The following XRCC6 variants were observed in gnomAD, a reference collection of about 807,000 sequenced individuals.
XRCC6 encodes X-ray repair cross complementing 6, also known as DNA repair protein Ku70.
A neutral mutation model predicts 65.7 loss-of-function variants in XRCC6; 5 were observed. That is an observed-to-expected ratio of 0.08 (90% CI 0.04 to 0.16). The LOEUF (loss-of-function observed/expected upper bound fraction) is 0.16. Ranked by LOEUF, XRCC6 falls within the 10% of genes least tolerant of loss-of-function variation. The pLI, the probability that XRCC6 is intolerant of heterozygous loss-of-function variation, is 1.00. For missense variants in XRCC6, 447 were observed against 738.1 expected (o/e 0.61, Z 4.57); for synonymous variants, 270 against 270.6 (o/e 1.00, Z 0.02).
chr22:41,628,109 T>C lies in XRCC6; in HGVS notation c.83-9T>C, dbSNP rs2067698509. ...GGACAAACATTTTCTTCCATTTTTT[T>C]CCCCATAGGAGACTATAAATATTCA... On this transcript the variant is annotated splice_polypyrimidine_tract_variant and intron_variant, in intron 2 of 12. Coordinates refer to ENST00000360079, the MANE Select transcript of XRCC6 (RefSeq NM_001469.5). 1.9e-6 allele frequency: 3 copies of C among 1,575,000 alleles called. No individual in the cohort carries two copies. Among genetic ancestry groups the C allele is most frequent in the Middle Eastern group, 1.8e-4 (1 of 5,588 alleles).
rs573501598 is a variant in XRCC6 at position 41,636,898 on chromosome 22, C to T, written c.589+128C>T. The T allele has an allele frequency of 7.2e-6, 9 of 1,254,224 alleles. No homozygotes were observed. In the East Asian group the frequency reaches 1.5e-4, roughly 21 times the overall value. 77.7% of individuals were successfully genotyped at this position (1,254,224 alleles called of 1,614,324 possible). On this transcript the variant is annotated intron_variant, in intron 5 of 12. Transcript: ENST00000360079. ...AAGTAGCTGGGACTATAAGCATGTG[C>T]TGTTGTGCCCAGTGCAGTTTTATTG...
At chr22:41,629,423 C>T (rs940835772) in intron 3 of XRCC6, among the ~76,000 whole-genome samples, 7 of 152,074 alleles carry the variant, frequency 4.6e-5, no homozygotes, top group African/African-American at 1.4e-4. Context: ...AAGTATTATG[C>T]TAAGTGAAAG....
intron 3 of XRCC6, among the ~76,000 whole-genome samples, chr22:41,632,516 C>T (rs2067766424): frequency 6.6e-6 from 1 of 152,054 alleles, no homozygotes; most frequent in African/African-American, 2.4e-5. Context: ...GAGGCTGAGG[C>T]AGGAGAATTG....
In XRCC6 at chr22:41,637,762, C is replaced by T. The variant is rs1177405686; in HGVS notation, c.744C>T (p.Ala248=). 2.5e-6 allele frequency: 4 copies of T among 1,613,916 alleles called. No homozygotes were observed. The highest frequency in any genetic ancestry group is 3.4e-6 in the Non-Finnish European group (4 of 1,179,960). Residue 248 remains alanine, a synonymous_variant, in exon 6 of 13, where the codon GCC becomes GCT. Coordinates refer to ENST00000360079, the MANE Select transcript of XRCC6 (RefSeq NM_001469.5). The part of the protein sequence containing the change: ...KLEDLLRKVR[A]KETRKRALSR... ...AAGACCTGTTGCGGAAGGTTCGCGC[C>T]AAGGAGACCAGGAAGCGAGCACTCA... is the stretch of plus-strand genomic sequence containing the variant.
intron 6 of XRCC6, among the ~76,000 whole-genome samples, chr22:41,640,481 TG>T (rs1399239759): frequency 6.6e-6 from 1 of 152,144 alleles, no homozygotes; most frequent in Non-Finnish European, 1.5e-5. Flanking sequence ...TTGGGGCTCT[TG>T]GTATGTTAAC....
Position 41,658,297 on chromosome 22 carries a change from C to T in XRCC6, c.1467C>T (p.Asn489=). 3.7e-6 allele frequency: 6 copies of T among 1,614,006 alleles called. No homozygotes were observed. The South Asian group carries it at 5.5e-5, about 15-fold the overall frequency. ...ENPVLQQHFR[N]LEALALDLME... is the part of the protein sequence containing the mutation. The stretch of plus-strand genomic sequence containing the variant: ...CCGTGCTGCAGCAGCACTTCAGGAA[C>T]CTGGAGGCCTTGGCCTTGGATTTGA... Residue 489 remains asparagine, a synonymous_variant, in exon 11 of 13, where the codon AAC becomes AAT. Transcript: ENST00000360079.
intron 9 of XRCC6, 77 bp from the exon 10 acceptor site, chr22:41,656,826 G>T: frequency 1.9e-6 from 3 of 1,598,880 alleles, no homozygotes; most frequent in Non-Finnish European, 2.6e-6. Flanking sequence ...GGACATAAAA[G>T]GAAGAATTTG....
At chr22:41,645,131 T>C (rs2147097311) in intron 6 of XRCC6, among the ~76,000 whole-genome samples, 1 of 151,724 alleles carries the variant, frequency 6.6e-6, no homozygotes, top group Non-Finnish European at 1.5e-5. Flanking sequence ...AGAAAGCCTG[T>C]CTCTACTAAA....
intron 2 of XRCC6, among the ~76,000 whole-genome samples, chr22:41,624,058 G>T (rs930623917): frequency 2.0e-5 from 3 of 152,136 alleles, no homozygotes; most frequent in African/African-American, 4.8e-5. Flanking sequence ...ATTTGGCCGG[G>T]TGTGGTGGCT....
rs1157059821 is a variant in XRCC6 at position 41,621,364 on chromosome 22, A to T, written c.-16+19A>T. The T allele has an allele frequency of 5.9e-6, 1 of 170,520 alleles. No individual in the cohort carries two copies. Among genetic ancestry groups the T allele is most frequent in the Non-Finnish European group, 1.3e-5 (1 of 79,446 alleles). The allele number at this position is 170,520 out of a possible 1,614,324, so 10.6% of individuals were successfully genotyped here. On this transcript the variant is annotated intron_variant, in intron 1 of 12. Coordinates refer to ENST00000360079, the MANE Select transcript of XRCC6 (RefSeq NM_001469.5). ...GCCAAAGGTAAGCGGGCCGTTATCC[A>T]TTTGTGTTGTTCGCCAGCTAGGCCT...
intron 2 of XRCC6, among the ~76,000 whole-genome samples, chr22:41,626,341 C>T (rs1210885789): frequency 6.6e-6 from 1 of 152,022 alleles, no homozygotes; most frequent in Non-Finnish European, 1.5e-5. Context: ...TGGGGTTTCA[C>T]CATGTTGTCC....
Position 41,650,805 on chromosome 22 carries a change from T to C in XRCC6, c.1043T>C (p.Met348Thr), listed in dbSNP as rs1451190945. ...TTTGATGATCCAGGTTTGATGCTCA[T>C]GGGTTTCAAGCCGTTGGTACTGCTG... ...KRFDDPGLML[M>T]GFKPLVLLKK... Residue 348 changes from methionine to threonine, a missense_variant, in exon 8 of 13, where the codon ATG becomes ACG. Met to Thr is a moderately conservative substitution (Grantham distance 81). Transcript: ENST00000360079. 14 of 1,613,884 alleles carry C rather than the reference T, an allele frequency of 8.7e-6. No individual in the cohort carries two copies. The highest frequency in any genetic ancestry group is 1.3e-5 in the African/African-American group (1 of 74,928).
At chr22:41,644,926 G>A (rs1024914730) in intron 6 of XRCC6, among the ~76,000 whole-genome samples, 1 of 152,136 alleles carries the variant, frequency 6.6e-6, no homozygotes, top group African/African-American at 2.4e-5. Context: ...TTTATTGTGT[G>A]TCCTTGGGCA....
chr22:41,625,244 C>T (rs2067656948), intron 2 of XRCC6, among the ~76,000 whole-genome samples: 1 of 152,216 alleles, frequency 6.6e-6, no homozygotes, highest in Admixed American at 6.5e-5. Flanking sequence ...GTGGAGGTTG[C>T]GGTGAGCCAA....
chr22:41,628,075 C>G, intron 2 of XRCC6, 43 bp from the exon 3 acceptor site: 1 of 1,393,376 alleles, frequency 7.2e-7, no homozygotes, highest in Non-Finnish European at 1.0e-6. Flanking sequence ...TAAACAAATA[C>G]GAAAACAAGG....
intron 2 of XRCC6, among the ~76,000 whole-genome samples, chr22:41,623,340 A>C (rs1176066638): frequency 6.6e-6 from 1 of 151,890 alleles, no homozygotes; most frequent in Non-Finnish European, 1.5e-5. Context: ...TGGCCTCCCA[A>C]AGTTCTAGGT....
intron 3 of XRCC6, 85 bp downstream of exon 3, chr22:41,628,315 T>C (rs529369988): frequency 1.7e-5 from 20 of 1,170,376 alleles, no homozygotes; most frequent in African/African-American, 7.8e-5. Flanking sequence ...TCTCAGGACA[T>C]TGGGAGGCCG....
At chr22:41,647,203 A>T (rs2067941279) in intron 7 of XRCC6, 121 bp downstream of exon 7, 1 of 1,007,530 alleles carries the variant, frequency 9.9e-7, no homozygotes, top group African/African-American at 1.6e-5. Context: ...GACTCAAGCG[A>T]TCCTTCTGTC....
intron 7 of XRCC6, among the ~76,000 whole-genome samples, chr22:41,649,838 CA>C (rs755487589): frequency 0.037 from 2,523 of 67,626 alleles, 60 homozygotes; most frequent in African/African-American, 0.069. Flanking sequence ...GAGACTGTCT[CA>C]AAAAAAAAAA....
Sources: allele counts gnomAD v4.1 joint callset (sites outside exome capture counted in the v4.1 genomes callset), GRCh38; gene constraint gnomAD v4.1.1; transcripts MANE v1.5; gene names NCBI Gene and HGNC (gene_info 2026-07-23, HGNC 2026-07-21).